The following FLG2 variants were observed in gnomAD, a reference collection of about 807,000 sequenced individuals.
FLG2 encodes the protein filaggrin 2.
FLG2 carries 7 observed loss-of-function variants against 3.9 expected under a neutral mutation model. The observed-to-expected ratio is 1.79, with a 90% CI of 1.02 to 3.36. The LOEUF (loss-of-function observed/expected upper bound fraction) is 3.36. Among genes scored for constraint, FLG2 ranks in the 30% most tolerant of loss-of-function variants. The probability of loss-of-function intolerance (pLI) is 0.00; values close to 1 mark genes in which losing one functional copy is unlikely to be tolerated. For missense variants in FLG2, 2,700 were observed against 2,809.4 expected, an observed-to-expected ratio of 0.96 and a Z score of 0.88; for synonymous variants, 1,031 against 1,056.1, an observed-to-expected ratio of 0.98 and a Z score of 0.46.
At chr1:152,358,361 A>T (rs1654326624) in intron 2 of FLG2, among the ~76,000 whole-genome samples, 1 of 152,096 alleles carries the variant, frequency 6.6e-6, no homozygotes, top group Admixed American at 6.5e-5. Context: ...CTGGCATTTT[A>T]TTTTTGATTC....
rs779807514 is a variant in FLG2, at chr1:152,353,192, A to C, written c.4594T>G (p.Ser1532Ala). ...TGTCTGTCATGAATTATGGATTCTGACTCTCCATGTTGAGATCCACTTTGG... is the reference window on the plus strand; with the variant it reads ...TGTCTGTCATGAATTATGGATTCTGCCTCTCCATGTTGAGATCCACTTTGG... ...HGQSGSQHGE[S>A]ESIIHDRHRI... Residue 1532 changes from serine (S) to alanine (A), a missense_variant, in exon 3 of 3, where the codon TCA becomes GCA. Coordinates refer to ENST00000388718, the MANE Select transcript of FLG2 (RefSeq NM_001014342.3). 1 of 1,603,036 alleles carries C rather than the reference A, an allele frequency of 6.2e-7. No individual in the cohort carries two copies. The highest frequency in any genetic ancestry group is 1.7e-5 in the Admixed American group (1 of 58,594).
Position 152,354,713 on chromosome 1 carries a change from A to C in FLG2, c.3073T>G (p.Phe1025Val). The change falls in exon 3 of 3, where the codon TTT becomes GTT. Residue 1025 changes from phenylalanine (F) to valine (V), a missense_variant. Physicochemically the swap from Phe to Val is conservative, Grantham distance 50 (BLOSUM62 -1). Transcript: ENST00000388718. ...CCTGAGCTTGACCTGTGTTGTCCAAAGCCAGTTGTCTGTCCTGAACTAGAC... is the reference window on the plus strand; with the variant it reads ...CCTGAGCTTGACCTGTGTTGTCCAACGCCAGTTGTCTGTCCTGAACTAGAC... ...HGSSSGQTTG[F>V]GQHRSSSGQY... 1 of 1,613,810 alleles carries C rather than the reference A, an allele frequency of 6.2e-7. No individual in the cohort carries two copies. The highest frequency in any genetic ancestry group is 1.3e-5 in the African/African-American group (1 of 74,900).
At chr1:152,358,620 C>T in intron 2 of FLG2, 127 bp downstream of exon 2, 1 of 850,216 alleles carries the variant, frequency 1.2e-6, no homozygotes, top group Non-Finnish European at 1.8e-6. Context: ...TTCTGGCATC[C>T]CCAAAATACC....
chr1:152,351,064 G>T lies in FLG2; in HGVS notation c.6722C>A (p.Thr2241Lys). 1 of 1,613,434 alleles carries T rather than the reference G, an allele frequency of 6.2e-7. No individual in the cohort carries two copies. The highest frequency in any genetic ancestry group is 8.5e-7 in the Non-Finnish European group (1 of 1,179,870). ...TCCAGTTGTCCTGGACCCTCTCTGT[G>T]TGGATTGTCCATAACCATAGTGGGC... ...RHAHYGYGQSTQRGSRTTGRR... is the reference protein window; with the variant it reads ...RHAHYGYGQSKQRGSRTTGRR... Residue 2241 changes from threonine (T) to lysine (K), a missense_variant, in exon 3 of 3, where the codon ACA (threonine) becomes AAA (lysine). Physicochemically the swap from Thr to Lys is moderately conservative, Grantham distance 78. Transcript: ENST00000388718.
chr1:152,354,078 C>T lies in FLG2; in HGVS notation c.3708G>A (p.Gln1236=), dbSNP rs1654092171. The change falls in exon 3 of 3, where the codon CAG becomes CAA. Residue 1236 remains glutamine (Q), a synonymous_variant. Coordinates refer to ENST00000388718, the MANE Select transcript of FLG2 (RefSeq NM_001014342.3). ...TTATTGTCTGACCATGAGTAGTTTC[C>T]TGTCTCCCATGAACTGTGGATCCTG... The part of the protein sequence containing the change: ...VESGSTVHGR[Q]ETTHGQTINT... 5.6e-6 allele frequency: 9 copies of T among 1,613,998 alleles called. No homozygotes were observed. In the South Asian group the frequency reaches 7.7e-5, roughly 14 times the overall value.
In FLG2 at chr1:152,356,886, T is replaced by C; in HGVS notation, c.900A>G (p.Ser300=). 6.2e-7 allele frequency: 1 copy of C among 1,614,230 alleles called. No homozygotes were observed. Among genetic ancestry groups the C allele is most frequent in the Non-Finnish European group, 8.5e-7 (1 of 1,180,038 alleles). Residue 300 remains serine, a synonymous_variant, in exon 3 of 3, where the codon TCA becomes TCG. Transcript: ENST00000388718. ...RPQNASSSCQ[S]HRFGGQGNQF... ...GATTTCCTTGCCCTCCAAATCTATG[T>C]GACTGACAAGAACTTGAAGCATTTT...
Position 152,354,592 on chromosome 1 carries a change from C to G in FLG2, c.3194G>C (p.Gly1065Ala). 6.2e-7 allele frequency: 1 copy of G among 1,613,170 alleles called. No individual in the cohort carries two copies. Among genetic ancestry groups the G allele is most frequent in the Non-Finnish European group, 8.5e-7 (1 of 1,179,806 alleles). ...CTGACGTGATCTAGACTCATATTGT[C>G]CAAAACCAGAGGATTGTCCTGAACC... ...GTGSGQSSGF[G>A]QYESRSRQSS... The change falls in exon 3 of 3, where the codon GGA (glycine) becomes GCA (alanine). Residue 1065 changes from glycine (G) to alanine (A), a missense_variant. Transcript: ENST00000388718.
chr1:152,352,738 T>C lies in FLG2; in HGVS notation c.5048A>G (p.Gln1683Arg). Residue 1683 changes from glutamine (Q) to arginine (R), a missense_variant, in exon 3 of 3, where the codon CAG (glutamine) becomes CGG (arginine). Gln to Arg is a conservative substitution (Grantham distance 43, BLOSUM62 1). Transcript: ENST00000388718. Reference sequence around the variant, plus strand: ...TCTCTCAGGAACTATGGATTCTGACTGTCCATGTTGAGATCCAGCTTGACC... The same window carrying C: ...TCTCTCAGGAACTATGGATTCTGACCGTCCATGTTGAGATCCAGCTTGACC... Reference protein sequence around the residue: ...THGQAGSQHGQSESIVPERHG... With the variant: ...THGQAGSQHGRSESIVPERHG... 1 of 1,614,014 alleles carries C rather than the reference T, an allele frequency of 6.2e-7. No homozygotes were observed. Among genetic ancestry groups the C allele is most frequent in the Non-Finnish European group, 8.5e-7 (1 of 1,179,988 alleles).
Position 152,351,512 on chromosome 1 carries a change from G to C in FLG2, c.6274C>G (p.Gln2092Glu). The change falls in exon 3 of 3, where the codon CAG becomes GAG. Residue 2092 changes from glutamine to glutamate, a missense_variant. By Grantham distance (29) the Gln-to-Glu change is conservative. Coordinates refer to ENST00000388718, the MANE Select transcript of FLG2 (RefSeq NM_001014342.3). ...HAHSGHGQST[Q>E]RGSRTAGRRG... is the part of the protein sequence containing the mutation. Reference sequence around the variant, plus strand: ...CTTCCAGCTGTCCTTGACCCTCTCTGTGTGGACTGTCCATGACCAGAGTGA... The same window carrying C: ...CTTCCAGCTGTCCTTGACCCTCTCTCTGTGGACTGTCCATGACCAGAGTGA... 1 of 1,612,090 alleles carries C rather than the reference G, an allele frequency of 6.2e-7. No individual in the cohort carries two copies. Among genetic ancestry groups the C allele is most frequent in the Non-Finnish European group, 8.5e-7 (1 of 1,179,600 alleles).
At position 152,350,790 on chromosome 1, in the gene FLG2, A is replaced by G; in HGVS notation, c.6996T>C (p.Ser2332=). The G allele has an allele frequency of 1.9e-6, 3 of 1,614,154 alleles. No individual in the cohort carries two copies. The highest frequency in any genetic ancestry group is 3.3e-5 in the Admixed American group (2 of 60,016). The change falls in exon 3 of 3, where the codon AGT becomes AGC. Residue 2332 remains serine (S), a synonymous_variant. Coordinates refer to ENST00000388718, the MANE Select transcript of FLG2 (RefSeq NM_001014342.3). ...TTGATCCATGCCTTTGCCTTTCACT[A>G]CTATGTGACTGAAAATGACTTGCTC... is the stretch of plus-strand genomic sequence containing the variant. ...SSRASHFQSH[S]SERQRHGSSQ...
Position 152,356,894 on chromosome 1 carries a change from A to C in FLG2, c.892T>G (p.Cys298Gly). 6.2e-7 allele frequency: 1 copy of C among 1,614,192 alleles called. No individual in the cohort carries two copies. The highest frequency in any genetic ancestry group is 1.1e-5 in the South Asian group (1 of 91,076). ...TGCCCTCCAAATCTATGTGACTGAC[A>C]AGAACTTGAAGCATTTTGTGGCCTT... ...CGRPQNASSS[C>G]QSHRFGGQGN... is the part of the protein sequence containing the mutation. The change falls in exon 3 of 3, where the codon TGT (cysteine) becomes GGT (glycine). Residue 298 changes from cysteine (C) to glycine (G), a missense_variant. By Grantham distance (159) the Cys-to-Gly change is radical. Coordinates refer to ENST00000388718, the MANE Select transcript of FLG2 (RefSeq NM_001014342.3).
In FLG2 at chr1:152,357,091, CAACT is replaced by C. The variant is rs1654267215; in HGVS notation, c.691_694del (p.Ser231GlyfsTer205). ...CAGACCACCATGACCTTTCCTTTCC[CAACT>C]GTTTGATCCAGATCCAGATTCATAC... is the stretch of plus-strand genomic sequence containing the variant. On this transcript the variant is annotated frameshift_variant, in exon 3 of 3. Transcript: ENST00000388718. LOFTEE classifies it low-confidence loss of function (END_TRUNC). The C allele has an allele frequency of 6.2e-7, 1 of 1,614,048 alleles. No individual in the cohort carries two copies. Among genetic ancestry groups the C allele is most frequent in the African/African-American group, 1.3e-5 (1 of 74,930 alleles).
Position 152,357,242 on chromosome 1 carries a change from G to A in FLG2, c.544C>T (p.His182Tyr), listed in dbSNP as rs756638954. The part of the protein sequence containing the change: ...GNQEGSQKRY[H>Y]RSSCGHSWSG... The stretch of plus-strand genomic sequence containing the variant: ...CATGAATGACCACAGCTGGACCTGT[G>A]GTATCTTTTCTGAGATCCCTCTTGG... The change falls in exon 3 of 3, where the codon CAC becomes TAC. Residue 182 changes from histidine (H) to tyrosine (Y), a missense_variant. Physicochemically the swap from His to Tyr is moderately conservative, Grantham distance 83. Transcript: ENST00000388718. The A allele has an allele frequency of 1.9e-6, 3 of 1,614,116 alleles. No homozygotes were observed. Among genetic ancestry groups the A allele is most frequent in the Non-Finnish European group, 2.5e-6 (3 of 1,180,018 alleles).
At position 152,351,330 on chromosome 1, in the gene FLG2, T is replaced by G; in HGVS notation, c.6456A>C (p.Gly2152=). ...GRQGTIHGQT[G]DTTRHGQSGH... ...CAGACTGGCCATGTCTAGTGGTATC[T>G]CCTGTCTGTCCATGTATAGTTCCCT... Residue 2152 remains glycine, a synonymous_variant, in exon 3 of 3, where the codon GGA becomes GGC. Transcript: ENST00000388718. 1 of 1,614,034 alleles carries G rather than the reference T, an allele frequency of 6.2e-7. No homozygotes were observed. Among genetic ancestry groups the G allele is most frequent in the Non-Finnish European group, 8.5e-7 (1 of 1,180,004 alleles).
chr1:152,349,889 T>G lies in FLG2; in HGVS notation c.*721A>C, dbSNP rs74456239. The G allele has an allele frequency of 8.6e-4, 132 of 153,256 alleles. No individual in the cohort carries two copies. The highest frequency in any genetic ancestry group is 1.6e-3 in the Non-Finnish European group (107 of 68,366). 9.5% of individuals were successfully genotyped at this position (153,256 alleles called of 1,614,324 possible). A position where few individuals can be genotyped will look rare whatever the true frequency, so the allele number is the denominator to read the frequency against. ...TCTCCCCCACTGCATATGGTTGCAC[T>G]GCTTGATGAATATCTATACCTATAC... On this transcript the variant is annotated 3_prime_UTR_variant, in exon 3 of 3. Coordinates refer to ENST00000388718, the MANE Select transcript of FLG2 (RefSeq NM_001014342.3).
At chr1:152,359,580 T>G (rs546986840) in intron 1 of FLG2, among the ~76,000 whole-genome samples, 1 of 152,252 alleles carries the variant, frequency 6.6e-6, no homozygotes, top group Admixed American at 6.5e-5. Flanking sequence ...AATTAGATCT[T>G]GGAGCTCTGG....
chr1:152,356,893 C>T lies in FLG2; in HGVS notation c.893G>A (p.Cys298Tyr). 6.2e-7 allele frequency: 1 copy of T among 1,614,080 alleles called. No individual in the cohort carries two copies. The change falls in exon 3 of 3, where the codon TGT becomes TAT. Residue 298 changes from cysteine to tyrosine, a missense_variant. Cys to Tyr is a radical substitution (Grantham distance 194). Transcript: ENST00000388718. The stretch of plus-strand genomic sequence containing the variant: ...TTGCCCTCCAAATCTATGTGACTGA[C>T]AAGAACTTGAAGCATTTTGTGGCCT... ...CGRPQNASSS[C>Y]QSHRFGGQGN...
chr1:152,354,345 T>C lies in FLG2; in HGVS notation c.3441A>G (p.Arg1147=). 1 of 1,614,172 alleles carries C rather than the reference T, an allele frequency of 6.2e-7. No homozygotes were observed. The highest frequency in any genetic ancestry group is 8.5e-7 in the Non-Finnish European group (1 of 1,180,042). The change falls in exon 3 of 3, where the codon AGA becomes AGG. Residue 1147 remains arginine, a synonymous_variant. Transcript: ENST00000388718. The part of the protein sequence containing the change: ...KSSGFAQHEY[R]SGQSSYGQHG... ...GTTGGCCATAGCTAGACTGACCTGATCTGTACTCATGCTGTGCAAAGCCAG... is the reference window on the plus strand; with the variant it reads ...GTTGGCCATAGCTAGACTGACCTGACCTGTACTCATGCTGTGCAAAGCCAG...
Position 152,350,508 on chromosome 1 carries a change from T to A in FLG2, c.*102A>T. ...GTCGAGACTGATACTGAGAATCAAC[T>A]GAATGTTCATAACTTACCATTGACT... is the stretch of plus-strand genomic sequence containing the variant. On this transcript the variant is annotated 3_prime_UTR_variant, in exon 3 of 3. Transcript: ENST00000388718. 1.4e-6 allele frequency: 2 copies of A among 1,403,242 alleles called. No individual in the cohort carries two copies. The highest frequency in any genetic ancestry group is 5.0e-5 in the Admixed American group (2 of 39,936). 86.9% of individuals were successfully genotyped at this position (1,403,242 alleles called of 1,614,324 possible). A position where few individuals can be genotyped will look rare whatever the true frequency, so the allele number is the denominator to read the frequency against.
Sources: gnomAD v4.1 joint callset for allele counts (sites outside exome capture counted in the v4.1 genomes callset) on GRCh38, gnomAD v4.1.1 for gene constraint, MANE v1.5 for transcripts, NCBI Gene and HGNC (gene_info 2026-07-23, HGNC 2026-07-21) for gene names.